The following STXBP4 variants were observed in gnomAD, a reference collection of about 807,000 sequenced individuals.
STXBP4 encodes syntaxin binding protein 4.
STXBP4 carries 55 observed loss-of-function variants against 76.1 expected under a neutral mutation model. That is an observed-to-expected ratio of 0.72 (90% CI 0.58 to 0.91). STXBP4 has a LOEUF of 0.91. Ranked by LOEUF, STXBP4 falls within the 40% of genes least tolerant of loss-of-function variation. The pLI, the probability that STXBP4 is intolerant of heterozygous loss-of-function variation, is 0.00. For missense variants in STXBP4, 618 were observed against 636.9 expected, an observed-to-expected ratio of 0.97 and a Z score of 0.32; for synonymous variants, 201 against 220.2, an observed-to-expected ratio of 0.91 and a Z score of 0.77.
At chr17:55,104,880 A>G (rs1415269338) in intron 16 of STXBP4, among the ~76,000 whole-genome samples, 1 of 152,162 alleles carries the variant, frequency 6.6e-6, no homozygotes, top group Non-Finnish European at 1.5e-5. Flanking sequence ...CCAGGAATTT[A>G]TCCATTTCTT....
At chr17:54,994,325 G>A (rs1282001981) in intron 4 of STXBP4, among the ~76,000 whole-genome samples, 1 of 152,076 alleles carries the variant, frequency 6.6e-6, no homozygotes, top group Admixed American at 6.5e-5. Context: ...ACCTCTTAAA[G>A]GTATCTCAAA....
At chr17:54,997,270 T>C (rs1270112291) in intron 4 of STXBP4, among the ~76,000 whole-genome samples, 1 of 152,106 alleles carries the variant, frequency 6.6e-6, no homozygotes. Context: ...AACTAACTGC[T>C]ATGAATACTT....
chr17:55,147,860 G>A (rs1291972228), intron 17 of STXBP4, among the ~76,000 whole-genome samples: 1 of 152,180 alleles, frequency 6.6e-6, no homozygotes, highest in Non-Finnish European at 1.5e-5. Context: ...ACTGATGTAT[G>A]CCTTGATCAA....
chr17:55,199,703 C>T, the STXBP4 span, among the ~76,000 whole-genome samples: 4 of 152,176 alleles, frequency 2.6e-5, no homozygotes, highest in African/African-American at 9.7e-5. Flanking sequence ...AATTCTAATG[C>T]AAGAAGACTC....
At chr17:55,021,314 G>A (rs1567722786) in intron 8 of STXBP4, among the ~76,000 whole-genome samples, 1 of 152,100 alleles carries the variant, frequency 6.6e-6, no homozygotes, top group Non-Finnish European at 1.5e-5. Context: ...TTGAAGCCAG[G>A]AGTTTGAGAC....
chr17:55,166,829 G>T lies in STXBP4; in HGVS notation c.*6918G>T, dbSNP rs1394578020. The T allele has an allele frequency of 6.6e-6, 1 of 152,148 alleles. No homozygotes were observed. Among genetic ancestry groups the T allele is most frequent in the Non-Finnish European group, 1.5e-5 (1 of 68,044 alleles). The allele number at this position is 152,148 out of a possible 1,614,324, so 9.4% of individuals were successfully genotyped here. On this transcript the variant is annotated 3_prime_UTR_variant, in exon 18 of 18. Transcript: ENST00000376352. ...AATTTACTTTTATCTACTGAGCTGGGTTACTGAGTCTTAGAGGCTTGAAAT... is the reference window on the plus strand; with the variant it reads ...AATTTACTTTTATCTACTGAGCTGGTTTACTGAGTCTTAGAGGCTTGAAAT...
chr17:55,186,700 A>G, the STXBP4 span, among the ~76,000 whole-genome samples: 3 of 152,192 alleles, frequency 2.0e-5, no homozygotes, highest in African/African-American at 4.8e-5. Context: ...GAGACAGACA[A>G]ATGTGGAGAG....
Position 55,160,002 on chromosome 17 carries a change from A to G in STXBP4, c.*91A>G. 2.7e-6 allele frequency: 2 copies of G among 746,222 alleles called. No individual in the cohort carries two copies. The highest frequency in any genetic ancestry group is 4.6e-6 in the Non-Finnish European group (2 of 438,502). The allele number at this position is 746,222 out of a possible 1,614,324, so 46.2% of individuals were successfully genotyped here. On this transcript the variant is annotated 3_prime_UTR_variant, in exon 18 of 18. Transcript: ENST00000376352. ...AGATGAAACAGTCTAAAATAGGAGT[A>G]AAGCATGCACTACTTGTTGAAGTGT... is the stretch of plus-strand genomic sequence containing the variant.
At position 55,168,821 on chromosome 17, in the gene STXBP4, T is replaced by G. The variant is rs2080391555; in HGVS notation, c.*8910T>G. 6.6e-6 allele frequency: 1 copy of G among 152,198 alleles called. No homozygotes were observed. The highest frequency in any genetic ancestry group is 1.5e-5 in the Non-Finnish European group (1 of 68,030). The allele number at this position is 152,198 out of a possible 1,614,324, so 9.4% of individuals were successfully genotyped here. ...AGTCTCTGAGATTTTTTTCCCTGTC[T>G]TAGACATCCATTCTACAACTCTGAT... On this transcript the variant is annotated 3_prime_UTR_variant, in exon 18 of 18. Coordinates refer to ENST00000376352, the MANE Select transcript of STXBP4 (RefSeq NM_178509.6).
chr17:55,069,263 A>G (rs915464579), intron 12 of STXBP4, among the ~76,000 whole-genome samples: 2 of 151,514 alleles, frequency 1.3e-5, no homozygotes, highest in African/African-American at 4.9e-5. Context: ...GCTTATGTGG[A>G]TTTTCTGACT....
At chr17:55,200,476 A>T in the STXBP4 span, among the ~76,000 whole-genome samples, 1 of 152,256 alleles carries the variant, frequency 6.6e-6, no homozygotes, top group African/African-American at 2.4e-5. Flanking sequence ...CTCACAAAGC[A>T]AGTACTTCAT....
intron 16 of STXBP4, among the ~76,000 whole-genome samples, chr17:55,125,731 G>A (rs1402729245): frequency 6.6e-6 from 1 of 152,100 alleles, no homozygotes; most frequent in Non-Finnish European, 1.5e-5. Context: ...GCCTGAGGGA[G>A]GGTGTTTCCT....
chr17:55,061,835 G>A, intron 12 of STXBP4, among the ~76,000 whole-genome samples: 1 of 152,160 alleles, frequency 6.6e-6, no homozygotes, highest in East Asian at 1.9e-4. Flanking sequence ...TTATTGATGA[G>A]TGCATTTAAA....
At chr17:55,077,116 T>G (rs890896317) in intron 13 of STXBP4, among the ~76,000 whole-genome samples, 2 of 152,218 alleles carry the variant, frequency 1.3e-5, no homozygotes, top group African/African-American at 4.8e-5. Context: ...ATCTGCTGTC[T>G]TTATAGATCT....
intron 3 of STXBP4, 107 bp from the exon 4 acceptor site, chr17:54,990,718 G>A: frequency 1.0e-5 from 14 of 1,338,238 alleles, no homozygotes; most frequent in Non-Finnish European, 1.4e-5. Context: ...AAAAAGGTGA[G>A]GGGTTGCTGC....
chr17:55,051,018 A>G (rs2078851835), intron 12 of STXBP4, among the ~76,000 whole-genome samples: 1 of 152,120 alleles, frequency 6.6e-6, no homozygotes. Flanking sequence ...TTTTATGAAC[A>G]AGGAAAATTG....
At chr17:55,068,623 G>C (rs952467942) in intron 12 of STXBP4, among the ~76,000 whole-genome samples, 8 of 152,070 alleles carry the variant, frequency 5.3e-5, no homozygotes, top group South Asian at 2.1e-4. Flanking sequence ...ATTTTGTCTA[G>C]CTCTTTGATC....
Position 55,055,937 on chromosome 17 carries a change from C to G in STXBP4, c.1011+8783C>G, listed in dbSNP as rs191752097. On this transcript the variant is annotated intron_variant, in intron 12 of 17. Coordinates refer to ENST00000376352, the MANE Select transcript of STXBP4 (RefSeq NM_178509.6). ...AAGACAGCTATCTTGGATTTGTTCT[C>G]TGATTTATCTTACAACAATAGCTGT... 9.5e-4 allele frequency among the ~76,000 whole-genome samples: 144 copies of G among 152,252 alleles called. 1 individual carries two copies. Among genetic ancestry groups the G allele is most frequent in the Non-Finnish European group, 4.7e-4 (32 of 68,008 alleles).
chr17:55,001,053 T>C (rs2077906217), intron 7 of STXBP4, among the ~76,000 whole-genome samples, 170 bp downstream of exon 7: 1 of 152,200 alleles, frequency 6.6e-6, no homozygotes, highest in South Asian at 2.1e-4. Flanking sequence ...AAAGTATGAC[T>C]TTTATTAGAT....
Sources: gnomAD v4.1 joint callset for allele counts (sites outside exome capture counted in the v4.1 genomes callset) on GRCh38, gnomAD v4.1.1 for gene constraint, MANE v1.5 for transcripts, NCBI Gene and HGNC (gene_info 2026-07-23, HGNC 2026-07-21) for gene names.